Variants in MIPOL1 observed in about 807,000 individuals in gnomAD.
MIPOL1 encodes the protein mirror-image polydactyly 1.
MIPOL1 carries 57 observed loss-of-function variants against 60.9 expected under a neutral mutation model. The ratio of observed to expected loss-of-function variants is 0.94; its 90% CI spans 0.76 to 1.17. The LOEUF (loss-of-function observed/expected upper bound fraction) is 1.17. Among genes scored for constraint, MIPOL1 ranks in the 50% most tolerant of loss-of-function variants. The probability of loss-of-function intolerance (pLI) is 0.00; values close to 1 mark genes in which losing one functional copy is unlikely to be tolerated. For synonymous variants in MIPOL1, 179 were observed against 168.8 expected, an observed-to-expected ratio of 1.06 and a Z score of -0.47; for missense variants, 551 against 511.6, an observed-to-expected ratio of 1.08 and a Z score of -0.74.
chr14:37,333,185 G>T (rs10148472), intron 9 of MIPOL1, among the ~76,000 whole-genome samples: 150,475 of 152,276 alleles, frequency 0.99, 74,373 homozygotes, highest in Middle Eastern at 1. Context: ...TGTGTGTATA[G>T]TTTGATAAAT....
At chr14:37,406,462 G>A (rs980802231) in intron 10 of MIPOL1, among the ~76,000 whole-genome samples, 1 of 152,092 alleles carries the variant, frequency 6.6e-6, no homozygotes, top group Non-Finnish European at 1.5e-5. Context: ...GTAGAGAAAT[G>A]TTTACGACTC....
chr14:37,500,740 G>A (rs1284136159), intron 12 of MIPOL1, among the ~76,000 whole-genome samples: 6 of 152,100 alleles, frequency 3.9e-5, no homozygotes, highest in African/African-American at 7.2e-5. Context: ...CAGCTTACCA[G>A]GCAAAGAAGT....
rs533723575 is a variant in MIPOL1, at chr14:37,268,868, T to C, written c.387+75T>C. On this transcript the variant is annotated intron_variant, in intron 5 of 12. Transcript: ENST00000684589. ...TCTTCTAAATTTCCTTTGTTGCCCA[T>C]CATAATTCAGTTTTATTTTGCACTT... 3.3e-6 allele frequency: 4 copies of C among 1,215,690 alleles called. No individual in the cohort carries two copies. The South Asian group carries it at 7.3e-5, about 22-fold the overall frequency. 75.3% of individuals were successfully genotyped at this position (1,215,690 alleles called of 1,614,324 possible). A position where few individuals can be genotyped will look rare whatever the true frequency, so the allele number is the denominator to read the frequency against.
chr14:37,395,969 G>C (rs915794878), intron 10 of MIPOL1, among the ~76,000 whole-genome samples: 1 of 152,094 alleles, frequency 6.6e-6, no homozygotes, highest in South Asian at 2.1e-4. Flanking sequence ...CTGTGGTTCT[G>C]TGTCTTTTAA....
At chr14:37,216,176 A>G (rs1347546378) in intron 1 of MIPOL1, among the ~76,000 whole-genome samples, 3 of 152,212 alleles carry the variant, frequency 2.0e-5, no homozygotes, top group Non-Finnish European at 2.9e-5. Flanking sequence ...GACAAAAACT[A>G]TGAAAAGAGA....
At chr14:37,489,462 A>G (rs931172072) in intron 11 of MIPOL1, among the ~76,000 whole-genome samples, 3 of 151,886 alleles carry the variant, frequency 2.0e-5, no homozygotes, top group East Asian at 1.9e-4. Flanking sequence ...CAGTTCATCA[A>G]ACTCCTCCAT....
intron 6 of MIPOL1, among the ~76,000 whole-genome samples, chr14:37,275,902 A>G (rs1279014078): frequency 6.6e-6 from 1 of 151,136 alleles, no homozygotes; most frequent in Non-Finnish European, 1.5e-5. Context: ...AATAATAATC[A>G]GTTTTTGGTA....
chr14:37,330,710 A>ATTT (rs11472946), intron 9 of MIPOL1, among the ~76,000 whole-genome samples: 83,477 of 138,502 alleles, frequency 0.6, 26,329 homozygotes, highest in East Asian at 0.82. Flanking sequence ...TGTCCTCTTC[A>ATTT]TTTTTTTTTT....
chr14:37,453,704 TA>T (rs1365591694), intron 11 of MIPOL1, among the ~76,000 whole-genome samples: 1 of 152,170 alleles, frequency 6.6e-6, no homozygotes, highest in Non-Finnish European at 1.5e-5. Flanking sequence ...CATTTGGAAT[TA>T]AACCTTAAAA....
intron 1 of MIPOL1, among the ~76,000 whole-genome samples, chr14:37,221,675 G>A (rs1371792410): frequency 1.3e-5 from 2 of 152,128 alleles, no homozygotes; most frequent in Admixed American, 6.6e-5. Context: ...ACCAGATCTC[G>A]TGAGAACTCT....
chr14:37,207,753 C>A (rs1274878924), intron 1 of MIPOL1, among the ~76,000 whole-genome samples: 4 of 146,446 alleles, frequency 2.7e-5, no homozygotes, highest in Admixed American at 2.0e-4. Context: ...ACCACATTGG[C>A]CAGGCTGGTC....
intron 10 of MIPOL1, among the ~76,000 whole-genome samples, chr14:37,417,836 A>G (rs1050786690): frequency 3.3e-5 from 5 of 152,166 alleles, no homozygotes; most frequent in Admixed American, 6.5e-5. Flanking sequence ...CCATATTGAA[A>G]TGTGGTCTTC....
At chr14:37,245,822 G>A (rs1973115968) in intron 1 of MIPOL1, among the ~76,000 whole-genome samples, 1 of 152,082 alleles carries the variant, frequency 6.6e-6, no homozygotes, top group African/African-American at 2.4e-5. Context: ...AGGCTTTTTG[G>A]TTATAGCATA....
chr14:37,247,872 C>G lies in MIPOL1; in HGVS notation c.-17C>G, dbSNP rs1020871775. 3.7e-6 allele frequency: 6 copies of G among 1,612,430 alleles called. No individual in the cohort carries two copies. In the Admixed American group the frequency reaches 5.0e-5, roughly 13 times the overall value. Reference sequence around the variant, plus strand: ...AAACCAGAGACATTGCCAGAGCAAACAAGAACAGAAATACAAATGGAGAAC... The same window carrying G: ...AAACCAGAGACATTGCCAGAGCAAAGAAGAACAGAAATACAAATGGAGAAC... On this transcript the variant is annotated 5_prime_UTR_variant, in exon 3 of 13. Coordinates refer to ENST00000684589, the MANE Select transcript of MIPOL1 (RefSeq NM_001388067.1).
chr14:37,225,416 G>A (rs1038987577), intron 1 of MIPOL1, among the ~76,000 whole-genome samples: 1 of 152,184 alleles, frequency 6.6e-6, no homozygotes, highest in Non-Finnish European at 1.5e-5. Context: ...TCTAGGCAGA[G>A]GTTCCCAAAC....
intron 11 of MIPOL1, 112 bp downstream of exon 11, chr14:37,423,061 C>A: frequency 1.6e-6 from 1 of 629,050 alleles, no homozygotes; most frequent in Non-Finnish European, 2.8e-6. Flanking sequence ...AAATATTATG[C>A]ACTTAAAGCA....
In MIPOL1 at chr14:37,497,535, C is replaced by A. The variant is rs146067139; in HGVS notation, c.1032-2373C>A. 3.7e-3 allele frequency among the ~76,000 whole-genome samples: 570 copies of A among 152,284 alleles called. 6 individuals are homozygous for A. Among genetic ancestry groups the A allele is most frequent in the Non-Finnish European group, 6.1e-3 (416 of 68,024 alleles). On this transcript the variant is annotated intron_variant, in intron 11 of 12. Transcript: ENST00000684589. ...GAACTTTATTTAAATTGAGAACTTACCTTCATCAAAAGACAGCATTAAGAG... is the reference window on the plus strand; with the variant it reads ...GAACTTTATTTAAATTGAGAACTTAACTTCATCAAAAGACAGCATTAAGAG...
At chr14:37,495,533 T>G (rs1332326779) in intron 11 of MIPOL1, among the ~76,000 whole-genome samples, 1 of 149,570 alleles carries the variant, frequency 6.7e-6, no homozygotes, top group Non-Finnish European at 1.5e-5. Flanking sequence ...TCTATCATTG[T>G]TGGACATTTG....
At chr14:37,298,616 C>A (rs1019843719) in intron 7 of MIPOL1, among the ~76,000 whole-genome samples, 9 of 151,234 alleles carry the variant, frequency 6.0e-5, no homozygotes, top group African/African-American at 2.2e-4. Flanking sequence ...AAAAAAACAA[C>A]CCCATCAAAA....
Sources: gnomAD v4.1 joint callset for allele counts (sites outside exome capture counted in the v4.1 genomes callset) on GRCh38, gnomAD v4.1.1 for gene constraint, MANE v1.5 for transcripts, NCBI Gene and HGNC (gene_info 2026-07-23, HGNC 2026-07-21) for gene names.